The following ACVR2A variants were observed in gnomAD, a reference collection of about 807,000 sequenced individuals.
ACVR2A encodes the protein activin receptor type-2A.
A neutral mutation model predicts 61.4 loss-of-function variants in ACVR2A; 7 were observed. That is an observed-to-expected ratio of 0.11 (90% confidence interval 0.06 to 0.21). The LOEUF is 0.21. Ranked by LOEUF, ACVR2A falls within the 10% of genes least tolerant of loss-of-function variation. The probability of loss-of-function intolerance (pLI) is 1.00; values close to 1 mark genes in which losing one functional copy is unlikely to be tolerated. For missense variants in ACVR2A, 322 were observed against 621.7 expected, an observed-to-expected ratio of 0.52 and a Z score of 5.13; for synonymous variants, 193 against 208.3, an observed-to-expected ratio of 0.93 and a Z score of 0.63.
chr2:147,912,799 G>T (rs1558812032), intron 4 of ACVR2A, among the ~76,000 whole-genome samples: 1 of 151,782 alleles, frequency 6.6e-6, no homozygotes, highest in East Asian at 1.9e-4. Context: ...TTCCATTTTT[G>T]AAAAGCTCAT....
chr2:147,921,030 T>TA (rs1553446762), intron 8 of ACVR2A, among the ~76,000 whole-genome samples: 2 of 151,994 alleles, frequency 1.3e-5, no homozygotes, highest in African/African-American at 4.8e-5. Flanking sequence ...CACCTTTTAT[T>TA]TTTATTTATT....
chr2:147,854,148 C>T (rs558588300), intron 1 of ACVR2A, among the ~76,000 whole-genome samples: 11 of 152,098 alleles, frequency 7.2e-5, no homozygotes, highest in African/African-American at 2.7e-4. Context: ...TGAAATAATA[C>T]TCTGACTAAA....
intron 1 of ACVR2A, among the ~76,000 whole-genome samples, chr2:147,850,964 G>T (rs541484225): frequency 6.6e-6 from 1 of 152,082 alleles, no homozygotes; most frequent in Non-Finnish European, 1.5e-5. Context: ...GAATGTGGTC[G>T]TAGAGGTTGG....
intron 9 of ACVR2A, among the ~76,000 whole-genome samples, chr2:147,923,363 C>T (rs528413044): frequency 3.9e-5 from 6 of 151,992 alleles, no homozygotes; most frequent in African/African-American, 1.4e-4. Context: ...TTTCCTAAAA[C>T]GGTTTCAGAG....
At chr2:147,874,189 G>C (rs1024647082) in intron 1 of ACVR2A, among the ~76,000 whole-genome samples, 1 of 151,902 alleles carries the variant, frequency 6.6e-6, no homozygotes, top group African/African-American at 2.4e-5. Context: ...AAGAGCTCAT[G>C]CACTTAACTT....
At chr2:147,861,000 A>G (rs1685712605) in intron 1 of ACVR2A, among the ~76,000 whole-genome samples, 1 of 152,210 alleles carries the variant, frequency 6.6e-6, no homozygotes, top group South Asian at 2.1e-4. Context: ...AGAGTATTGA[A>G]GCCAGATGCC....
chr2:147,845,000 GTTTTTTTTTTTTTTTT>G (rs368783685), upstream of ACVR2A: 105 of 109,436 alleles, frequency 9.6e-4, 4 homozygotes, highest in Non-Finnish European at 1.4e-3. Context: ...CCCAGTGAGC[GTTTTTTTTTTTTTTTT>G]TTTTTTTTTT....
Position 147,920,315 on chromosome 2 carries a change from G to A in ACVR2A, c.1048G>A (p.Gly350Ser). 1 of 1,613,466 alleles carries A rather than the reference G, an allele frequency of 6.2e-7. No homozygotes were observed. The highest frequency in any genetic ancestry group is 8.5e-7 in the Non-Finnish European group (1 of 1,179,554). Residue 350 changes from glycine (G) to serine (S), a missense_variant, in exon 8 of 11, where the codon GGC becomes AGC. Physicochemically the swap from Gly to Ser is moderately conservative, Grantham distance 56. Around this residue, in one of 3 missense-constraint regions of ACVR2A, gnomAD observed 146 missense variants for 383.8 expected, o/e 0.38. Coordinates refer to ENST00000241416, the MANE Select transcript of ACVR2A (RefSeq NM_001616.5). ...TGGGTTGGCCTTAAAATTTGAGGCT[G>A]GCAAGTCTGCAGGCGATACCCATGG... ...DFGLALKFEAGKSAGDTHGQV... is the reference protein window; with the variant it reads ...DFGLALKFEASKSAGDTHGQV...
chr2:147,853,279 T>C (rs80302884), intron 1 of ACVR2A, among the ~76,000 whole-genome samples: 4,987 of 152,226 alleles, frequency 0.033, 214 homozygotes, highest in African/African-American at 0.097. Flanking sequence ...AGGCAGACAC[T>C]GTATGATGGA....
intron 1 of ACVR2A, 52 bp downstream of exon 1, chr2:147,845,259 C>G: frequency 6.4e-7 from 1 of 1,568,736 alleles, no homozygotes; most frequent in Non-Finnish European, 8.7e-7. Flanking sequence ...CCGCGGCGGC[C>G]GCTGCTGGGG....
At chr2:147,908,198 A>G (rs1573699443) in intron 4 of ACVR2A, among the ~76,000 whole-genome samples, 2 of 152,044 alleles carry the variant, frequency 1.3e-5, no homozygotes, top group East Asian at 3.9e-4. Flanking sequence ...AACATGGTTT[A>G]TTTTCTGGTT....
intron 1 of ACVR2A, among the ~76,000 whole-genome samples, chr2:147,874,398 A>G (rs1686103647): frequency 2.0e-5 from 3 of 151,836 alleles, no homozygotes; most frequent in African/African-American, 7.2e-5. Flanking sequence ...TCCAGAGGGG[A>G]AAAAAAGAGT....
Position 147,902,222 on chromosome 2 carries a change from A to ATTCTT in ACVR2A, c.528+2328_528+2329insTTTCT, listed in dbSNP as rs570363242. Among the ~76,000 whole-genome samples the ATTCTT allele has an allele frequency of 6.6e-5, 10 of 152,112 alleles. No individual in the cohort carries two copies. The East Asian group carries it at 1.9e-3, about 29-fold the overall frequency. On this transcript the variant is annotated intron_variant, in intron 4 of 10. Coordinates refer to ENST00000241416, the MANE Select transcript of ACVR2A (RefSeq NM_001616.5). ...ATGTTTTTAATAAGCTTCCCAGGCG[A>ATTCTT]TTCTGGTGACCAGCCAGGTATGGAA...
At chr2:147,887,001 A>G (rs1357236397) in intron 1 of ACVR2A, among the ~76,000 whole-genome samples, 2 of 152,242 alleles carry the variant, frequency 1.3e-5, no homozygotes, top group African/African-American at 4.8e-5. Context: ...TCTTGAGGCC[A>G]GGAGTTCAAG....
intron 1 of ACVR2A, among the ~76,000 whole-genome samples, chr2:147,864,240 T>C (rs1310034899): frequency 6.6e-6 from 1 of 151,838 alleles, no homozygotes; most frequent in East Asian, 1.9e-4. Flanking sequence ...TAACTTTTTG[T>C]TTTTTTTGAG....
chr2:147,862,307 T>G (rs555061442), intron 1 of ACVR2A, among the ~76,000 whole-genome samples: 4 of 150,658 alleles, frequency 2.7e-5, no homozygotes, highest in Non-Finnish European at 4.4e-5. Flanking sequence ...GGAGTAGGGG[T>G]CTTGCTTGGC....
At chr2:147,874,206 A>G (rs987571829) in intron 1 of ACVR2A, among the ~76,000 whole-genome samples, 1 of 152,040 alleles carries the variant, frequency 6.6e-6, no homozygotes, top group Non-Finnish European at 1.5e-5. Flanking sequence ...ACTTTAATCC[A>G]GTCTTGACCA....
At chr2:147,900,715 A>G (rs1363120455) in intron 4 of ACVR2A, among the ~76,000 whole-genome samples, 2 of 152,024 alleles carry the variant, frequency 1.3e-5, no homozygotes, top group African/African-American at 4.8e-5. Flanking sequence ...CTTGCTTGAG[A>G]CATCTCTGAA....
intron 1 of ACVR2A, among the ~76,000 whole-genome samples, chr2:147,868,621 T>TTTTATTTATTTATTTA (rs566332005): frequency 6.6e-6 from 1 of 150,956 alleles, no homozygotes; most frequent in African/African-American, 2.4e-5. Context: ...TTTTATTTTA[T>TTTTATTTATTTATTTA]TTTATTTATT....
Sources: allele counts gnomAD v4.1 joint callset (sites outside exome capture counted in the v4.1 genomes callset), GRCh38; gene constraint gnomAD v4.1.1; regional missense constraint gnomAD v4.1.1; transcripts MANE v1.5; gene names NCBI Gene and HGNC (gene_info 2026-07-23, HGNC 2026-07-21).